NRXN3: variants seen among roughly 807,000 people sequenced by gnomAD.
NRXN3 encodes neurexin III.
Under a neutral mutation model 137.6 loss-of-function variants are expected in NRXN3, and 32 were observed. The ratio of observed to expected loss-of-function variants is 0.23; its 90% confidence interval spans 0.18 to 0.31. The LOEUF (loss-of-function observed/expected upper bound fraction) is 0.31. Ranked by LOEUF, NRXN3 falls within the 10% of genes least tolerant of loss-of-function variation. The pLI, the probability that NRXN3 is intolerant of heterozygous loss-of-function variation, is 1.00. For synonymous variants in NRXN3, 798 were observed against 784.5 expected (o/e 1.02, Z -0.29); for missense variants, 1,574 against 2,062.5 (o/e 0.76, Z 4.59).
At chr14:78,944,630 G>GT (rs559430654) in intron 10 of NRXN3, among the ~76,000 whole-genome samples, 4 of 152,166 alleles carry the variant, frequency 2.6e-5, no homozygotes, top group Non-Finnish European at 5.9e-5. Flanking sequence ...TGATGCTTCT[G>GT]TAAGCCAAGG....
At chr14:79,739,889 C>T (rs572524518) in intron 19 of NRXN3, among the ~76,000 whole-genome samples, 1 of 152,232 alleles carries the variant, frequency 6.6e-6, no homozygotes, top group South Asian at 2.1e-4. Context: ...ACCTATCCTC[C>T]ACTCTGCATC....
intron 4 of NRXN3, among the ~76,000 whole-genome samples, chr14:78,630,596 TC>T (rs57337018): frequency 0.012 from 1,411 of 120,016 alleles, 15 homozygotes; most frequent in African/African-American, 0.04. Flanking sequence ...TTTCTTTCTT[TC>T]TTTTTTTTTT....
At chr14:79,043,746 C>T (rs909466271) in intron 15 of NRXN3, among the ~76,000 whole-genome samples, 2 of 152,108 alleles carry the variant, frequency 1.3e-5, no homozygotes, top group Admixed American at 1.3e-4. Flanking sequence ...GAATCTAGTT[C>T]TATCAAGTGT....
chr14:78,907,186 C>A (rs2099220006), intron 10 of NRXN3, among the ~76,000 whole-genome samples: 1 of 151,824 alleles, frequency 6.6e-6, no homozygotes, highest in Admixed American at 6.6e-5. Context: ...ATTTAGTTTT[C>A]TTACTTATCA....
intron 11 of NRXN3, among the ~76,000 whole-genome samples, chr14:78,961,243 T>G (rs2099407611): frequency 6.6e-6 from 1 of 152,164 alleles, no homozygotes; most frequent in African/African-American, 2.4e-5. Flanking sequence ...TTGCTTCCTC[T>G]CAGCGTTTCC....
chr14:79,472,754 C>A (rs911180950), intron 16 of NRXN3, among the ~76,000 whole-genome samples: 1 of 152,020 alleles, frequency 6.6e-6, no homozygotes, highest in Non-Finnish European at 1.5e-5. Flanking sequence ...CTTTAAGGAG[C>A]GGTGTCATGT....
intron 15 of NRXN3, among the ~76,000 whole-genome samples, chr14:79,348,369 ATCT>A (rs148860615): frequency 2.2e-5 from 3 of 136,414 alleles, no homozygotes; most frequent in African/African-American, 9.1e-5. Flanking sequence ...TTTATAGTTA[ATCT>A]TCTCTCTTTT....
intron 4 of NRXN3, among the ~76,000 whole-genome samples, chr14:78,439,833 A>T (rs1415891552): frequency 6.6e-6 from 1 of 152,134 alleles, no homozygotes; most frequent in Non-Finnish European, 1.5e-5. Context: ...GCGAACACCC[A>T]CAAGTAGCTC....
At chr14:79,640,160 C>CT (rs1268552573) in intron 16 of NRXN3, among the ~76,000 whole-genome samples, 2 of 135,098 alleles carry the variant, frequency 1.5e-5, no homozygotes, top group Non-Finnish European at 3.4e-5. Context: ...AGTGAATTGA[C>CT]TTTTTTTCCT....
chr14:79,800,116 G>A (rs2099172992), intron 19 of NRXN3, among the ~76,000 whole-genome samples: 1 of 152,138 alleles, frequency 6.6e-6, no homozygotes. Flanking sequence ...TTGACATAGG[G>A]GAACCATCAT....
At chr14:78,928,751 T>G in intron 10 of NRXN3, among the ~76,000 whole-genome samples, 1 of 152,118 alleles carries the variant, frequency 6.6e-6, no homozygotes, top group Non-Finnish European at 1.5e-5. Flanking sequence ...AATTAGTGCC[T>G]CAATAAACAT....
intron 15 of NRXN3, among the ~76,000 whole-genome samples, chr14:79,386,132 G>T (rs1057512940): frequency 1.3e-5 from 2 of 152,148 alleles, no homozygotes; most frequent in East Asian, 3.9e-4. Context: ...GGAAATAAAG[G>T]GTATTCAATT....
chr14:78,908,670 A>T (rs1460840964), intron 10 of NRXN3, among the ~76,000 whole-genome samples: 1 of 152,126 alleles, frequency 6.6e-6, no homozygotes, highest in African/African-American at 2.4e-5. Flanking sequence ...ATGTCTGAAC[A>T]GGATCTAGTT....
At chr14:78,328,444 G>T (rs537209668) in intron 4 of NRXN3, among the ~76,000 whole-genome samples, 1 of 152,106 alleles carries the variant, frequency 6.6e-6, no homozygotes, top group Non-Finnish European at 1.5e-5. Flanking sequence ...TCAACTATTT[G>T]ACGCAATAGA....
At position 79,368,813 on chromosome 14, in the gene NRXN3, A is replaced by G. The variant is rs1209716004; in HGVS notation, c.3263-98408A>G. ...AAAACAAAATTGGTACTCTGTGAAT[A>G]TTTCAACCATTTGTTCCATTTAATC... is the stretch of plus-strand genomic sequence containing the variant. On this transcript the variant is annotated intron_variant, in intron 15 of 20. Transcript: ENST00000335750. 7.9e-5 allele frequency among the ~76,000 whole-genome samples: 12 copies of G among 152,222 alleles called. 1 individual carries two copies. The highest frequency in any genetic ancestry group is 7.9e-4 in the Admixed American group (12 of 15,286).
At chr14:79,717,317 T>G (rs2098827108) in intron 19 of NRXN3, among the ~76,000 whole-genome samples, 1 of 152,154 alleles carries the variant, frequency 6.6e-6, no homozygotes. Context: ...GATGGAGTAG[T>G]CCCTACCACT....
rs147290191 is a variant in NRXN3, at chr14:79,348,431, A to T, written c.3263-118790A>T. On this transcript the variant is annotated intron_variant, in intron 15 of 20. Coordinates refer to ENST00000335750, the MANE Select transcript of NRXN3 (RefSeq NM_001330195.2). ...CGCTCTGTCGCCCAGGCTGGAGTGC[A>T]GTGGCGCGATCTCTGCCCACTGCAA... Among the ~76,000 whole-genome samples the T allele has an allele frequency of 7.9e-3, 1,161 of 146,386 alleles. 22 individuals are homozygous for T. In the South Asian group the frequency reaches 0.08, roughly 10 times the overall value.
chr14:79,714,437 A>G (rs2098816681), intron 19 of NRXN3, among the ~76,000 whole-genome samples: 1 of 152,246 alleles, frequency 6.6e-6, no homozygotes, highest in African/African-American at 2.4e-5. Context: ...AAATCAAAAT[A>G]TTTGAAGAAG....
chr14:79,551,297 G>T (rs1177710953), intron 16 of NRXN3, among the ~76,000 whole-genome samples: 1 of 152,080 alleles, frequency 6.6e-6, no homozygotes, highest in Non-Finnish European at 1.5e-5. Flanking sequence ...ATCTTTGAAG[G>T]AGGGAGAAGG....
Sources: gnomAD v4.1 joint callset for allele counts (sites outside exome capture counted in the v4.1 genomes callset) on GRCh38, gnomAD v4.1.1 for gene constraint, MANE v1.5 for transcripts, NCBI Gene and HGNC (gene_info 2026-07-23, HGNC 2026-07-21) for gene names.